Variants in KCNH7 observed in about 807,000 individuals in gnomAD.
The protein encoded by KCNH7 is potassium voltage-gated channel subfamily H member 7, also known as voltage-gated inwardly rectifying potassium channel KCNH7.
KCNH7 carries 49 observed loss-of-function variants against 120.8 expected under a neutral mutation model. The observed-to-expected ratio is 0.41, with a 90% CI of 0.32 to 0.51. The LOEUF is 0.51. KCNH7 is among the 20% of genes least tolerant of loss of function. The pLI, the probability that KCNH7 is intolerant of heterozygous loss-of-function variation, is 0.38. For missense variants in KCNH7, 1,097 were observed against 1,446.6 expected (o/e 0.76, Z 3.92); for synonymous variants, 547 against 516.1 (o/e 1.06, Z -0.81).
intron 2 of KCNH7, among the ~76,000 whole-genome samples, chr2:162,761,982 G>A (rs537302011): frequency 1.3e-4 from 20 of 152,116 alleles, no homozygotes; most frequent in African/African-American, 4.1e-4. Flanking sequence ...AATCTCCAAA[G>A]AAGGGAAAGA....
At chr2:162,836,150 C>T (rs1443093886) in intron 2 of KCNH7, among the ~76,000 whole-genome samples, 1 of 152,116 alleles carries the variant, frequency 6.6e-6, no homozygotes, top group African/African-American at 2.4e-5. Context: ...CATAAATTTG[C>T]TTTGTGGAGT....
At chr2:162,661,663 T>C (rs1684963012) in intron 2 of KCNH7, among the ~76,000 whole-genome samples, 4 of 152,042 alleles carry the variant, frequency 2.6e-5, no homozygotes, top group Admixed American at 6.6e-5. Context: ...TTCTGATACA[T>C]AAAAAATGTC....
intron 2 of KCNH7, among the ~76,000 whole-genome samples, chr2:162,807,078 C>T (rs1318807785): frequency 6.6e-6 from 1 of 151,158 alleles, no homozygotes; most frequent in African/African-American, 2.4e-5. Flanking sequence ...AAAATGCAAT[C>T]GATGACCACT....
At chr2:162,743,119 G>A (rs1688195950) in intron 2 of KCNH7, among the ~76,000 whole-genome samples, 1 of 152,046 alleles carries the variant, frequency 6.6e-6, no homozygotes, top group Admixed American at 6.6e-5. Flanking sequence ...CGCTCTCCCT[G>A]TTAGTTGCTA....
rs565591198 is a variant in KCNH7 at position 162,431,014 on chromosome 2, A to G, written c.1954+4184T>C. Among the ~76,000 whole-genome samples the G allele has an allele frequency of 2.6e-5, 4 of 152,180 alleles. No individual in the cohort carries two copies. The East Asian group carries it at 7.7e-4, about 29-fold the overall frequency. On this transcript the variant is annotated intron_variant, in intron 8 of 15. Coordinates refer to ENST00000332142, the MANE Select transcript of KCNH7 (RefSeq NM_033272.4). ...ATTTTGAATTATACACACTTTTAAAATGTATTATCTGGTTACTGTACTCTG... is the reference window on the plus strand; with the variant it reads ...ATTTTGAATTATACACACTTTTAAAGTGTATTATCTGGTTACTGTACTCTG...
chr2:162,678,010 A>G (rs1685584143), intron 2 of KCNH7, among the ~76,000 whole-genome samples: 1 of 151,548 alleles, frequency 6.6e-6, no homozygotes, highest in East Asian at 1.9e-4. Flanking sequence ...AAATTAAAAC[A>G]CTGTAATTAA....
At chr2:162,657,574 CTGTTTACCTACATAAAAAATATTT>C (rs1181505345) in intron 2 of KCNH7, among the ~76,000 whole-genome samples, 1 of 152,008 alleles carries the variant, frequency 6.6e-6, no homozygotes, top group African/African-American at 2.4e-5. Context: ...GTTTATTTAT[CTGTTTACCTACATAAAAAATATTT>C]TGTCTGCTTC....
chr2:162,772,719 A>G (rs78000813), intron 2 of KCNH7, among the ~76,000 whole-genome samples: 2,560 of 152,324 alleles, frequency 0.017, 69 homozygotes, highest in African/African-American at 0.058. Context: ...TCAAGTAAAT[A>G]TAACTAGCTT....
At chr2:162,620,363 G>T (rs1286353115) in intron 2 of KCNH7, among the ~76,000 whole-genome samples, 1 of 151,914 alleles carries the variant, frequency 6.6e-6, no homozygotes, top group African/African-American at 2.4e-5. Context: ...CCCAGAAATT[G>T]TAAGAACCAT....
At chr2:162,808,456 G>C (rs1684624891) in intron 2 of KCNH7, among the ~76,000 whole-genome samples, 1 of 152,110 alleles carries the variant, frequency 6.6e-6, no homozygotes, top group African/African-American at 2.4e-5. Flanking sequence ...GCTTCAAAGG[G>C]ACAGAAGAAA....
At chr2:162,631,312 A>T (rs537647067) in intron 2 of KCNH7, among the ~76,000 whole-genome samples, 1 of 152,122 alleles carries the variant, frequency 6.6e-6, no homozygotes, top group South Asian at 2.1e-4. Context: ...GTTTCTGTAC[A>T]TTGAGGCAAA....
intron 2 of KCNH7, among the ~76,000 whole-genome samples, chr2:162,835,389 C>G (rs1026615226): frequency 5.3e-5 from 8 of 151,666 alleles, no homozygotes; most frequent in African/African-American, 1.5e-4. Context: ...CTCTAGTATA[C>G]CAAATGATGA....
chr2:162,836,565 T>A lies in KCNH7; in HGVS notation c.279A>T (p.Lys93Asn), dbSNP rs752736201. Residue 93 changes from lysine (K) to asparagine (N), a missense_variant, in exon 2 of 16, where the codon AAA becomes AAT. By Grantham distance (94) the Lys-to-Asn change is moderately conservative. Around this residue, in one of 8 missense-constraint regions of KCNH7, gnomAD observed 362 missense variants for 372.2 expected, o/e 0.97. Coordinates refer to ENST00000332142, the MANE Select transcript of KCNH7 (RefSeq NM_033272.4). ...AQALLGSEERKVEVTYYHKNG... is the reference protein window; with the variant it reads ...AQALLGSEERNVEVTYYHKNG... Reference sequence around the variant, plus strand: ...TTTTGTGATAGTAGGTGACCTCCACTTTCCTCTCTTCTGACCCCAGCAATG... The same window carrying A: ...TTTTGTGATAGTAGGTGACCTCCACATTCCTCTCTTCTGACCCCAGCAATG... 8.1e-6 allele frequency: 13 copies of A among 1,613,976 alleles called. No homozygotes were observed. In the African/African-American group the frequency reaches 1.6e-4, roughly 20 times the overall value.
chr2:162,445,839 A>G (rs1688559080), intron 7 of KCNH7, among the ~76,000 whole-genome samples, 179 bp downstream of exon 7: 1 of 152,220 alleles, frequency 6.6e-6, no homozygotes, highest in African/African-American at 2.4e-5. Flanking sequence ...AAAAAGAGAA[A>G]GAATTTGATT....
chr2:162,386,936 T>G (rs1480690728), intron 12 of KCNH7, among the ~76,000 whole-genome samples: 1 of 151,682 alleles, frequency 6.6e-6, no homozygotes, highest in African/African-American at 2.4e-5. Context: ...GATTTCACCT[T>G]GGACATGTGT....
intron 2 of KCNH7, among the ~76,000 whole-genome samples, chr2:162,694,153 A>G (rs1269175593): frequency 6.6e-6 from 1 of 152,210 alleles, no homozygotes; most frequent in Non-Finnish European, 1.5e-5. Context: ...TAAATCTCTT[A>G]TCATTCAGTA....
chr2:162,376,617 C>A (rs1686200224), intron 14 of KCNH7, among the ~76,000 whole-genome samples: 1 of 152,004 alleles, frequency 6.6e-6, no homozygotes, highest in South Asian at 2.1e-4. Context: ...CTGCCTCGGC[C>A]TTTCAAAGTG....
At chr2:162,429,840 T>A (rs772917370) in intron 8 of KCNH7, among the ~76,000 whole-genome samples, 1 of 151,928 alleles carries the variant, frequency 6.6e-6, no homozygotes, top group East Asian at 1.9e-4. Context: ...TCTGCCATTA[T>A]TTTTAAAGTT....
chr2:162,706,929 C>T lies in KCNH7; in HGVS notation c.307+129608G>A, dbSNP rs531812248. Among the ~76,000 whole-genome samples the T allele has an allele frequency of 1.6e-4, 25 of 152,150 alleles. 1 individual carries two copies. In the South Asian group the frequency reaches 1.7e-3, roughly 10 times the overall value. Reference sequence around the variant, plus strand: ...AGAACTTTAATGAGTACAATTGGAGCGGGGAGCTTTCTATTTCTGAAAGCC... The same window carrying T: ...AGAACTTTAATGAGTACAATTGGAGTGGGGAGCTTTCTATTTCTGAAAGCC... On this transcript the variant is annotated intron_variant, in intron 2 of 15. Transcript: ENST00000332142.
Sources: allele counts gnomAD v4.1 joint callset (sites outside exome capture counted in the v4.1 genomes callset), GRCh38; gene constraint gnomAD v4.1.1; regional missense constraint gnomAD v4.1.1; transcripts MANE v1.5; gene names NCBI Gene and HGNC (gene_info 2026-07-23, HGNC 2026-07-21).